The following FAT3 variants were observed in gnomAD, a reference collection of about 807,000 sequenced individuals.
FAT3 encodes protocadherin Fat 3.
In FAT3, 95 loss-of-function variants were observed where a neutral mutation model predicts 310.2. That is an observed-to-expected ratio of 0.31 (90% confidence interval 0.26 to 0.36). FAT3 has a LOEUF of 0.36. Among genes scored for constraint, FAT3 ranks in the 10% least tolerant of loss-of-function variants. FAT3 has a pLI of 1.00. For missense variants in FAT3, 5,408 were observed against 5,715.6 expected (o/e 0.95, Z 1.74); for synonymous variants, 2,314 against 2,192.9 (o/e 1.06, Z -1.54).
At chr11:92,427,892 T>A (rs1446828901) in intron 2 of FAT3, among the ~76,000 whole-genome samples, 1 of 152,168 alleles carries the variant, frequency 6.6e-6, no homozygotes, top group Non-Finnish European at 1.5e-5. Flanking sequence ...ATAAATGAGT[T>A]AGGGAGGAGT....
Position 92,669,370 on chromosome 11 carries a change from A to T in FAT3, c.3608-28014A>T, listed in dbSNP as rs532441727. Among the ~76,000 whole-genome samples the T allele has an allele frequency of 3.9e-5, 6 of 152,342 alleles. No individual in the cohort carries two copies. In the South Asian group the frequency reaches 1.2e-3, roughly 32 times the overall value. On this transcript the variant is annotated intron_variant, in intron 3 of 27. Transcript: ENST00000525166. ...ACACAGCTATAGTGCAAATTGAATG[A>T]AATAACTGGTGCCTCTGCAAGCACA... is the stretch of plus-strand genomic sequence containing the variant.
At chr11:92,685,391 A>T (rs1459816368) in intron 3 of FAT3, among the ~76,000 whole-genome samples, 1 of 152,068 alleles carries the variant, frequency 6.6e-6, no homozygotes, top group Non-Finnish European at 1.5e-5. Context: ...AACCCATAGC[A>T]ATAATCATCG....
chr11:92,645,751 A>G (rs1311901600), intron 3 of FAT3, among the ~76,000 whole-genome samples: 3 of 152,158 alleles, frequency 2.0e-5, no homozygotes, highest in Admixed American at 2.0e-4. Context: ...GGCAATTTGG[A>G]TATTACAAAA....
intron 1 of FAT3, among the ~76,000 whole-genome samples, chr11:92,325,680 G>A (rs1947743924): frequency 2.6e-5 from 4 of 152,146 alleles, no homozygotes; most frequent in Non-Finnish European, 4.4e-5. Flanking sequence ...TCACCAGGCT[G>A]GAGTGCAGTG....
chr11:92,408,888 A>G (rs1950193776), intron 2 of FAT3, among the ~76,000 whole-genome samples: 1 of 152,200 alleles, frequency 6.6e-6, no homozygotes, highest in African/African-American at 2.4e-5. Flanking sequence ...CTGTTCTTTC[A>G]AATTATAGGA....
rs1393364303 is a variant in FAT3, at chr11:92,789,998, A to C, written c.4391A>C (p.Asn1464Thr). 6.2e-7 allele frequency: 1 copy of C among 1,613,824 alleles called. No individual in the cohort carries two copies. The highest frequency in any genetic ancestry group is 8.5e-7 in the Non-Finnish European group (1 of 1,179,750). The change falls in exon 8 of 28, where the codon AAT (asparagine) becomes ACT (threonine). Residue 1464 changes from asparagine (N) to threonine (T), a missense_variant. Asn to Thr is a moderately conservative substitution (Grantham distance 65, BLOSUM62 0). Around this residue, in one of 5 missense-constraint regions of FAT3, gnomAD observed 4,588 missense variants for 4,809.8 expected, o/e 0.95. Transcript: ENST00000525166. ...AATGGCCCAGAATTCTCTCAGCCGA[A>C]TTACGATGTGACAATTTCCGAGGAT... ...NDNGPEFSQP[N>T]YDVTISEDVL... is the part of the protein sequence containing the mutation.
chr11:92,564,341 C>A (rs1285799590), intron 3 of FAT3, among the ~76,000 whole-genome samples: 1 of 150,850 alleles, frequency 6.6e-6, no homozygotes, highest in Non-Finnish European at 1.5e-5. Flanking sequence ...AGCTAACTAT[C>A]CTAAATATAT....
intron 1 of FAT3, among the ~76,000 whole-genome samples, chr11:92,313,907 G>T (rs938800341): frequency 6.6e-6 from 1 of 152,190 alleles, no homozygotes; most frequent in Admixed American, 6.5e-5. Context: ...GTGCGATTTT[G>T]CAGAGCACAA....
At chr11:92,823,800 C>G (rs1948031295) in intron 13 of FAT3, among the ~76,000 whole-genome samples, 1 of 152,140 alleles carries the variant, frequency 6.6e-6, no homozygotes, top group Admixed American at 6.5e-5. Context: ...CAATGAAGAA[C>G]TTTTAAAAGG....
intron 6 of FAT3, among the ~76,000 whole-genome samples, chr11:92,768,595 A>T (rs574479560): frequency 6.6e-6 from 1 of 152,074 alleles, no homozygotes; most frequent in Non-Finnish European, 1.5e-5. Context: ...CTGCTTATTT[A>T]TCTTCAGCCA....
chr11:92,417,570 AG>A (rs1327709658), intron 2 of FAT3, among the ~76,000 whole-genome samples: 2 of 152,218 alleles, frequency 1.3e-5, no homozygotes, highest in African/African-American at 4.8e-5. Flanking sequence ...TGTATGAATC[AG>A]GGAAATCTTC....
At chr11:92,313,640 A>G (rs1591092268) in intron 1 of FAT3, among the ~76,000 whole-genome samples, 1 of 152,070 alleles carries the variant, frequency 6.6e-6, no homozygotes, top group Non-Finnish European at 1.5e-5. Flanking sequence ...GCTCACTGCA[A>G]CCTCCGCCTC....
chr11:92,561,301 T>C (rs983482404), intron 3 of FAT3, among the ~76,000 whole-genome samples: 9 of 148,706 alleles, frequency 6.1e-5, no homozygotes, highest in African/African-American at 1.5e-4. Flanking sequence ...TTACCCAAAA[T>C]GCTTCCATTA....
intron 27 of FAT3, 98 bp from the exon 28 acceptor site, chr11:92,890,393 G>A (rs952824529): frequency 6.5e-6 from 9 of 1,395,268 alleles, no homozygotes; most frequent in African/African-American, 4.3e-5. Context: ...TTTCTTGGAT[G>A]CTAAAAATTG....
At chr11:92,628,897 C>G (rs1385325840) in intron 3 of FAT3, among the ~76,000 whole-genome samples, 2 of 151,942 alleles carry the variant, frequency 1.3e-5, no homozygotes, top group Non-Finnish European at 2.9e-5. Context: ...TGCACTCATG[C>G]ACACACACAC....
intron 10 of FAT3, among the ~76,000 whole-genome samples, chr11:92,802,843 G>A (rs1947398824): frequency 6.6e-6 from 1 of 152,154 alleles, no homozygotes; most frequent in South Asian, 2.1e-4. Context: ...TTAGGACATA[G>A]AATCTGCTTG....
At chr11:92,630,881 T>C (rs1941534015) in intron 3 of FAT3, among the ~76,000 whole-genome samples, 1 of 152,156 alleles carries the variant, frequency 6.6e-6, no homozygotes, top group Admixed American at 6.5e-5. Flanking sequence ...AGTAGCAGCA[T>C]TCATGGTAGG....
At chr11:92,812,992 T>A (rs1180979534) in intron 13 of FAT3, among the ~76,000 whole-genome samples, 1 of 152,216 alleles carries the variant, frequency 6.6e-6, no homozygotes, top group Non-Finnish European at 1.5e-5. Flanking sequence ...CTGATGGTTT[T>A]ATGAGGGGCT....
chr11:92,856,198 C>T (rs1180327526), intron 19 of FAT3, among the ~76,000 whole-genome samples: 1 of 152,116 alleles, frequency 6.6e-6, no homozygotes, highest in Non-Finnish European at 1.5e-5. Context: ...GGAGCATGAT[C>T]ATGGGCCAGA....
Sources: allele counts gnomAD v4.1 joint callset (sites outside exome capture counted in the v4.1 genomes callset), GRCh38; gene constraint gnomAD v4.1.1; regional missense constraint gnomAD v4.1.1; transcripts MANE v1.5; gene names NCBI Gene and HGNC (gene_info 2026-07-23, HGNC 2026-07-21).